Variants in RBFOX1 observed in about 807,000 individuals in gnomAD.
RBFOX1 encodes the protein RNA binding protein fox-1 homolog 1.
Under a neutral mutation model 57.7 loss-of-function variants are expected in RBFOX1, and 8 were observed. That is an observed-to-expected ratio of 0.14 (90% confidence interval 0.08 to 0.25). The LOEUF is 0.25. RBFOX1 is among the 10% of genes least tolerant of loss of function. RBFOX1 has a pLI of 1.00. For synonymous variants in RBFOX1, 326 were observed against 222.4 expected (o/e 1.47, Z -4.15); for missense variants, 611 against 548.5 (o/e 1.11, Z -1.14).
chr16:5,823,307 A>G (rs1372911418), intron 3 of RBFOX1, among the ~76,000 whole-genome samples: 1 of 152,184 alleles, frequency 6.6e-6, no homozygotes, highest in African/African-American at 2.4e-5. Flanking sequence ...ATGTGAACAG[A>G]TAAATAACTG....
At chr16:7,400,456 G>A (rs1238351247) in intron 4 of RBFOX1, among the ~76,000 whole-genome samples, 1 of 152,056 alleles carries the variant, frequency 6.6e-6, no homozygotes, top group African/African-American at 2.4e-5. Flanking sequence ...GAAAGTCCAG[G>A]TTGCTTTTTT....
At chr16:6,528,448 C>A (rs970911347) in intron 2 of RBFOX1, among the ~76,000 whole-genome samples, 1 of 152,184 alleles carries the variant, frequency 6.6e-6, no homozygotes, top group African/African-American at 2.4e-5. Context: ...TGACTTTCTC[C>A]TGTTTGTTTA....
At chr16:7,095,229 C>G (rs1301785903) in intron 4 of RBFOX1, among the ~76,000 whole-genome samples, 1 of 152,146 alleles carries the variant, frequency 6.6e-6, no homozygotes. Flanking sequence ...CTCCGCCTCC[C>G]AGGTTCAAAC....
intron 2 of RBFOX1, among the ~76,000 whole-genome samples, chr16:6,448,021 A>C (rs2094519384): frequency 6.6e-6 from 1 of 152,104 alleles, no homozygotes; most frequent in Non-Finnish European, 1.5e-5. Flanking sequence ...TGGTAGTTAG[A>C]GTGTTGAGTT....
chr16:7,225,907 T>TAA (rs761790895), intron 4 of RBFOX1, among the ~76,000 whole-genome samples: 39,442 of 130,386 alleles, frequency 0.3, 6,434 homozygotes, highest in African/African-American at 0.37. Context: ...GTATAATAAA[T>TAA]ATATATATAT....
At chr16:7,559,799 A>G (rs909834103) in intron 5 of RBFOX1, among the ~76,000 whole-genome samples, 3 of 152,164 alleles carry the variant, frequency 2.0e-5, no homozygotes, top group African/African-American at 7.2e-5. Context: ...GAGTTTCTCA[A>G]TCAGTATTCT....
At chr16:6,732,544 G>T (rs1351153653) in intron 3 of RBFOX1, among the ~76,000 whole-genome samples, 3 of 152,202 alleles carry the variant, frequency 2.0e-5, no homozygotes, top group African/African-American at 7.2e-5. Context: ...GCAGGCAATT[G>T]CTTTTCATCC....
At chr16:6,557,131 A>T (rs371162555) in intron 2 of RBFOX1, among the ~76,000 whole-genome samples, 1 of 145,834 alleles carries the variant, frequency 6.9e-6, no homozygotes, top group Non-Finnish European at 1.5e-5. Context: ...ACATACATAT[A>T]CATATATACA....
chr16:7,226,070 A>G (rs1207118448), intron 4 of RBFOX1, among the ~76,000 whole-genome samples: 1 of 151,958 alleles, frequency 6.6e-6, no homozygotes, highest in East Asian at 1.9e-4. Flanking sequence ...CTCTCCAAAT[A>G]GTGGCAAGAT....
chr16:5,793,942 T>C (rs2054791208), intron 3 of RBFOX1, among the ~76,000 whole-genome samples: 1 of 152,202 alleles, frequency 6.6e-6, no homozygotes, highest in Non-Finnish European at 1.5e-5. Flanking sequence ...CTCTCTGTGC[T>C]TCATTTTTTG....
intron 3 of RBFOX1, among the ~76,000 whole-genome samples, chr16:7,029,063 TATATATATATATATATATACACACACAC>T (rs2041903803): frequency 3.1e-5 from 1 of 32,662 alleles, no homozygotes; most frequent in African/African-American, 2.2e-4. Flanking sequence ...TATATATATA[TATATATATATATATATATACACACACAC>T]ACACACACAC....
At chr16:6,654,723 G>A (rs4519331) in intron 3 of RBFOX1, 73 bp downstream of exon 3, 1 of 1,151,138 alleles carries the variant, frequency 8.7e-7, no homozygotes. Flanking sequence ...AGGTGTTTAA[G>A]GCATGCCCCT....
intron 4 of RBFOX1, among the ~76,000 whole-genome samples, chr16:5,959,106 C>T (rs1408674773): frequency 1.3e-5 from 2 of 152,198 alleles, no homozygotes; most frequent in East Asian, 3.8e-4. Context: ...TTATGTGCTA[C>T]CTGTGGTTTT....
At chr16:6,816,705 A>C (rs1216603077) in intron 3 of RBFOX1, among the ~76,000 whole-genome samples, 2 of 145,480 alleles carry the variant, frequency 1.4e-5, no homozygotes, top group Non-Finnish European at 3.0e-5. Flanking sequence ...GCACCACTGC[A>C]CTCCAGCCTG....
At chr16:6,862,900 A>G (rs1372488004) in intron 3 of RBFOX1, among the ~76,000 whole-genome samples, 1 of 148,932 alleles carries the variant, frequency 6.7e-6, no homozygotes, top group Non-Finnish European at 1.5e-5. Flanking sequence ...CAGGAGAATC[A>G]CTTGAACCCA....
intron 1 of RBFOX1, among the ~76,000 whole-genome samples, chr16:6,140,192 T>A (rs1199049195): frequency 6.6e-6 from 1 of 151,772 alleles, no homozygotes; most frequent in African/African-American, 2.4e-5. Context: ...AATGACTTTT[T>A]TTTTTTTTTT....
At chr16:6,931,505 A>G (rs1178741973) in intron 3 of RBFOX1, among the ~76,000 whole-genome samples, 1 of 152,024 alleles carries the variant, frequency 6.6e-6, no homozygotes, top group Non-Finnish European at 1.5e-5. Context: ...CAATGAGAAC[A>G]CTCATTTTAA....
chr16:7,061,459 G>A (rs997806988), intron 4 of RBFOX1, among the ~76,000 whole-genome samples: 1 of 152,080 alleles, frequency 6.6e-6, no homozygotes, highest in Non-Finnish European at 1.5e-5. Flanking sequence ...ATAAAGAAGT[G>A]TACAGGTGTC....
intron 3 of RBFOX1, among the ~76,000 whole-genome samples, chr16:6,732,856 A>G (rs566851073): frequency 7.9e-5 from 12 of 152,148 alleles, no homozygotes; most frequent in Non-Finnish European, 1.8e-4. Flanking sequence ...CATTATGTAA[A>G]CTTTTCACAA....
Sources: gnomAD v4.1 joint callset for allele counts (sites outside exome capture counted in the v4.1 genomes callset) on GRCh38, gnomAD v4.1.1 for gene constraint, MANE v1.5 for transcripts, NCBI Gene and HGNC (gene_info 2026-07-23, HGNC 2026-07-21) for gene names.